The following MRPS33 variants were observed in gnomAD, a reference collection of about 807,000 sequenced individuals.
MRPS33 encodes mitochondrial ribosomal protein S33, also known as small ribosomal subunit protein mS33.
MRPS33 carries 11 observed loss-of-function variants against 11.2 expected under a neutral mutation model. That is an observed-to-expected ratio of 0.99 (90% CI 0.62 to 1.63). MRPS33 has a LOEUF of 1.63. Ranked by LOEUF, MRPS33 falls within the 40% of genes most tolerant of loss-of-function variation. The pLI is 0.00. For synonymous variants in MRPS33, 46 were observed against 44.0 expected, an observed-to-expected ratio of 1.05 and a Z score of -0.18; for missense variants, 109 against 127.8, an observed-to-expected ratio of 0.85 and a Z score of 0.71.
Position 141,003,797 on chromosome 7 carries a change from C to A in MRPS33, c.*2633G>T, listed in dbSNP as rs1820460302. 1 of 152,262 alleles carries A rather than the reference C, an allele frequency of 6.6e-6. No individual in the cohort carries two copies. Among genetic ancestry groups the A allele is most frequent in the Admixed American group, 6.5e-5 (1 of 15,284 alleles). 9.4% of individuals were successfully genotyped at this position (152,262 alleles called of 1,614,324 possible). A position where few individuals can be genotyped will look rare whatever the true frequency, so the allele number is the denominator to read the frequency against. On this transcript the variant is annotated 3_prime_UTR_variant, in exon 3 of 3. Transcript: ENST00000324787. ...GCTGAGATCCTGTTTCTCAGCTCAA[C>A]ATCCTGGGGTAGTCATCCACCTACA...
intron 2 of MRPS33, among the ~76,000 whole-genome samples, chr7:141,008,954 C>T (rs1820604634): frequency 6.6e-6 from 1 of 151,574 alleles, no homozygotes; most frequent in Admixed American, 6.6e-5. Context: ...GCTACCACAC[C>T]CAGCTAATTT....
intron 2 of MRPS33, among the ~76,000 whole-genome samples, chr7:141,008,264 AACAG>A (rs745632321): frequency 4.6e-5 from 7 of 152,330 alleles, no homozygotes; most frequent in Non-Finnish European, 1.0e-4. Context: ...TTTTCAAACA[AACAG>A]ACAGCAGCAG....
intron 1 of MRPS33, among the ~76,000 whole-genome samples, chr7:141,012,357 T>C: frequency 6.6e-6 from 1 of 152,130 alleles, no homozygotes; most frequent in Admixed American, 6.6e-5. Flanking sequence ...ACAAGCCTGT[T>C]CTTCCTTTTC....
rs780457920 is a variant in MRPS33, at chr7:141,010,569, A to G, written c.65T>C (p.Val22Ala). The G allele has an allele frequency of 1.2e-6, 2 of 1,614,210 alleles. No homozygotes were observed. Among genetic ancestry groups the G allele is most frequent in the Non-Finnish European group, 1.7e-6 (2 of 1,180,040 alleles). ...SRLSARLFGE[V>A]TRPTNSKSMK... The stretch of plus-strand genomic sequence containing the variant: ...AGACTTGGAATTAGTAGGCCTGGTG[A>G]CTTCACCAAATAGCCGGGCACTGAG... The change falls in exon 2 of 3, where the codon GTC becomes GCC. Residue 22 changes from valine (V) to alanine (A), a missense_variant. Transcript: ENST00000324787.
rs748600114 is a variant in MRPS33, at chr7:141,006,386, T to C, written c.*44A>G. ...GAAAGACAATAAATGCACTTTCTTC[T>C]CTCCGCCACTGAGGAAGAAAGTCTC... On this transcript the variant is annotated 3_prime_UTR_variant, in exon 3 of 3. Transcript: ENST00000324787. 12 of 1,502,184 alleles carry C rather than the reference T, an allele frequency of 8.0e-6. No homozygotes were observed. The highest frequency in any genetic ancestry group is 1.1e-5 in the Non-Finnish European group (12 of 1,086,550). 93.1% of individuals were successfully genotyped at this position (1,502,184 alleles called of 1,614,324 possible).
intron 1 of MRPS33, 116 bp from the exon 2 acceptor site, chr7:141,010,776 G>A: frequency 1.4e-6 from 1 of 738,446 alleles, no homozygotes; most frequent in Non-Finnish European, 2.3e-6. Flanking sequence ...TGCAGTGTTG[G>A]CAGGATATGC....
chr7:141,013,906 A>C (rs769260373), intron 1 of MRPS33, among the ~76,000 whole-genome samples: 1 of 152,222 alleles, frequency 6.6e-6, no homozygotes, highest in Non-Finnish European at 1.5e-5. Context: ...TGAAAGGTAA[A>C]GATGAAGTGC....
intron 1 of MRPS33, among the ~76,000 whole-genome samples, chr7:141,013,861 A>G (rs752593548): frequency 2.3e-4 from 35 of 152,366 alleles, no homozygotes; most frequent in African/African-American, 6.0e-4. Flanking sequence ...GATTATTTCA[A>G]TAAGTGGCTT....
Position 141,006,358 on chromosome 7 carries a change from G to T in MRPS33, c.*72C>A. The stretch of plus-strand genomic sequence containing the variant: ...TAGGAAGATGACATTCCTCCAATAG[G>T]TGGAAAGACAATAAATGCACTTTCT... On this transcript the variant is annotated 3_prime_UTR_variant, in exon 3 of 3. Coordinates refer to ENST00000324787, the MANE Select transcript of MRPS33 (RefSeq NM_053035.3). The T allele has an allele frequency of 7.7e-7, 1 of 1,298,482 alleles. No homozygotes were observed. Among genetic ancestry groups the T allele is most frequent in the Non-Finnish European group, 1.1e-6 (1 of 909,018 alleles). 80.4% of individuals were successfully genotyped at this position (1,298,482 alleles called of 1,614,324 possible). A position where few individuals can be genotyped will look rare whatever the true frequency, so the allele number is the denominator to read the frequency against.
chr7:141,014,311 A>G (rs1490336859), intron 1 of MRPS33: 1 of 152,192 alleles, frequency 6.6e-6, no homozygotes, highest in African/African-American at 2.4e-5. Flanking sequence ...AAACATAAAA[A>G]CAATCTCAAC....
At position 141,003,213 on chromosome 7, in the gene MRPS33, A is replaced by G. The variant is rs1209799129; in HGVS notation, c.*3217T>C. 1.3e-5 allele frequency: 2 copies of G among 152,238 alleles called. No homozygotes were observed. The highest frequency in any genetic ancestry group is 2.1e-4 in the South Asian group (1 of 4,836). The allele number at this position is 152,238 out of a possible 1,614,324, so 9.4% of individuals were successfully genotyped here. On this transcript the variant is annotated 3_prime_UTR_variant, in exon 3 of 3. Coordinates refer to ENST00000324787, the MANE Select transcript of MRPS33 (RefSeq NM_053035.3). ...TTTAGGTTTTGACCAGAGAAATCCAATTAAACAAACTGGCTAGTCTAAACT... is the reference window on the plus strand; with the variant it reads ...TTTAGGTTTTGACCAGAGAAATCCAGTTAAACAAACTGGCTAGTCTAAACT...
At chr7:141,013,841 G>A (rs983718293) in intron 1 of MRPS33, among the ~76,000 whole-genome samples, 1 of 152,176 alleles carries the variant, frequency 6.6e-6, no homozygotes, top group Non-Finnish European at 1.5e-5. Context: ...TAGGTCTGAT[G>A]CATTTAAAAG....
Position 141,010,488 on chromosome 7 carries a change from TA to T in MRPS33, c.145del (p.Tyr49MetfsTer37). 1 of 1,614,226 alleles carries T rather than the reference TA, an allele frequency of 6.2e-7. No individual in the cohort carries two copies. Among genetic ancestry groups the T allele is most frequent in the Non-Finnish European group, 8.5e-7 (1 of 1,180,042 alleles). On this transcript the variant is annotated frameshift_variant, in exon 2 of 3. Coordinates refer to ENST00000324787, the MANE Select transcript of MRPS33 (RefSeq NM_053035.3). LOFTEE classifies it high-confidence loss of function. ...AGTGTGGTGATTTGGATACCAATCA[TA>T]AGTCTCCTTCTTCTTGGCCAAGGGC... ...ELPLAKKKET[Y>X]DWYPNHHTYA...
rs996653392 is a variant in MRPS33 at position 141,003,119 on chromosome 7, T to C, written c.*3311A>G. On this transcript the variant is annotated 3_prime_UTR_variant, in exon 3 of 3. Transcript: ENST00000324787. Reference sequence around the variant, plus strand: ...AATCTAAAACCCAGTCTTTTTACTATGTTATGCTGAAATCGAGGGCAAAAT... The same window carrying C: ...AATCTAAAACCCAGTCTTTTTACTACGTTATGCTGAAATCGAGGGCAAAAT... 2.0e-4 allele frequency: 30 copies of C among 152,240 alleles called. No homozygotes were observed. Among genetic ancestry groups the C allele is most frequent in the East Asian group, 7.7e-4 (4 of 5,204 alleles). The allele number at this position is 152,240 out of a possible 1,614,324, so 9.4% of individuals were successfully genotyped here. A position where few individuals can be genotyped will look rare whatever the true frequency, so the allele number is the denominator to read the frequency against.
chr7:141,007,632 C>T (rs761497146), intron 2 of MRPS33, among the ~76,000 whole-genome samples: 7 of 152,218 alleles, frequency 4.6e-5, no homozygotes, highest in Admixed American at 6.5e-5. Context: ...GGTACCTGCA[C>T]GCCTCCTGGA....
In MRPS33 at chr7:141,006,090, A is replaced by G. The variant is rs899332063; in HGVS notation, c.*340T>C. On this transcript the variant is annotated 3_prime_UTR_variant, in exon 3 of 3. Transcript: ENST00000324787. The stretch of plus-strand genomic sequence containing the variant: ...TAAGCAAGAAGGGAGAAATGAGGAC[A>G]CTATAGGATGCTCACTTAATGAGGT... 1 of 231,160 alleles carries G rather than the reference A, an allele frequency of 4.3e-6. No individual in the cohort carries two copies. The highest frequency in any genetic ancestry group is 8.4e-6 in the Non-Finnish European group (1 of 118,692). 14.3% of individuals were successfully genotyped at this position (231,160 alleles called of 1,614,324 possible).
chr7:141,008,777 ATTAG>A (rs1820598600), intron 2 of MRPS33, among the ~76,000 whole-genome samples: 2 of 150,780 alleles, frequency 1.3e-5, no homozygotes, highest in South Asian at 4.2e-4. Context: ...ATGGGCATGT[ATTAG>A]TTTGGTAATT....
At chr7:141,010,197 T>A in intron 2 of MRPS33, 1 of 538,450 alleles carries the variant, frequency 1.9e-6, no homozygotes, top group Non-Finnish European at 3.3e-6. Flanking sequence ...GTTGTAGACA[T>A]AATTAAAATA....
chr7:141,010,796 GAGA>G (rs1396147107), intron 1 of MRPS33, 136 bp from the exon 2 acceptor site: 2 of 670,874 alleles, frequency 3.0e-6, no homozygotes, highest in East Asian at 5.4e-5. Flanking sequence ...CCTTGGAGTG[GAGA>G]AGTATCCACA....
Sources: allele counts gnomAD v4.1 joint callset (sites outside exome capture counted in the v4.1 genomes callset), GRCh38; gene constraint gnomAD v4.1.1; transcripts MANE v1.5; gene names NCBI Gene and HGNC (gene_info 2026-07-23, HGNC 2026-07-21).